CREB5: variants seen among roughly 807,000 people sequenced by gnomAD.
CREB5 encodes cAMP responsive element binding protein 5.
A neutral mutation model predicts 57.1 loss-of-function variants in CREB5; 19 were observed. That is an observed-to-expected ratio of 0.33 (90% CI 0.23 to 0.49). The LOEUF (loss-of-function observed/expected upper bound fraction) is 0.49, where lower values mean the gene tolerates loss of function less well. Among genes scored for constraint, CREB5 ranks in the 20% least tolerant of loss-of-function variants. The pLI is 0.99. For synonymous variants in CREB5, 238 were observed against 238.3 expected (o/e 1.00, Z 0.01); for missense variants, 579 against 671.6 (o/e 0.86, Z 1.52).
chr7:28,405,855 T>TGTG (rs1284933239), intron 1 of CREB5, among the ~76,000 whole-genome samples: 1 of 152,082 alleles, frequency 6.6e-6, no homozygotes, highest in Non-Finnish European at 1.5e-5. Context: ...AGGATGTGTG[T>TGTG]GTGGTGGTGG....
At chr7:28,414,133 T>A (rs1308905041) in intron 1 of CREB5, among the ~76,000 whole-genome samples, 2 of 152,144 alleles carry the variant, frequency 1.3e-5, no homozygotes, top group Non-Finnish European at 2.9e-5. Context: ...GACTTATTAT[T>A]TTTGTCATCT....
intron 1 of CREB5, among the ~76,000 whole-genome samples, chr7:28,392,925 C>CA (rs1345165975): frequency 1.4e-5 from 2 of 143,958 alleles, no homozygotes; most frequent in African/African-American, 2.8e-5. Flanking sequence ...CACAAAGCAG[C>CA]AATTTTTTTT....
intron 2 of CREB5, among the ~76,000 whole-genome samples, chr7:28,492,702 A>ATTT (rs1791856852): frequency 6.7e-6 from 1 of 149,584 alleles, no homozygotes; most frequent in Admixed American, 6.7e-5. Flanking sequence ...CATGTTGTGT[A>ATTT]TTTTTGTATA....
At chr7:28,430,457 T>C (rs1788669475) in intron 1 of CREB5, among the ~76,000 whole-genome samples, 1 of 152,196 alleles carries the variant, frequency 6.6e-6, no homozygotes, top group Non-Finnish European at 1.5e-5. Context: ...CACAGCCTCT[T>C]CAAGAGGAGT....
chr7:28,813,758 C>A (rs1421522477), intron 9 of CREB5, among the ~76,000 whole-genome samples: 2 of 152,116 alleles, frequency 1.3e-5, no homozygotes, highest in Non-Finnish European at 2.9e-5. Context: ...TATTGAATAT[C>A]TCTGTGGCGT....
intron 5 of CREB5, among the ~76,000 whole-genome samples, chr7:28,635,520 C>T (rs1410390367): frequency 1.3e-5 from 2 of 152,186 alleles, no homozygotes; most frequent in Non-Finnish European, 2.9e-5. Context: ...TCTTTTCGAT[C>T]ATCATGAGAA....
chr7:28,328,992 A>T (rs1785663906), intron 1 of CREB5, among the ~76,000 whole-genome samples: 2 of 152,164 alleles, frequency 1.3e-5, no homozygotes, highest in Admixed American at 6.5e-5. Context: ...CCTTTCTGAG[A>T]GGTATGTGTC....
intron 1 of CREB5, among the ~76,000 whole-genome samples, chr7:28,346,347 C>T (rs1239329249): frequency 6.6e-6 from 1 of 152,206 alleles, no homozygotes; most frequent in Non-Finnish European, 1.5e-5. Flanking sequence ...CTGGTGCCTT[C>T]TTACTGTATC....
chr7:28,643,000 A>G (rs1562544837), intron 5 of CREB5, among the ~76,000 whole-genome samples: 1 of 145,432 alleles, frequency 6.9e-6, no homozygotes, highest in Non-Finnish European at 1.5e-5. Flanking sequence ...ACACACACAC[A>G]CACACACACA....
At chr7:28,401,981 C>A (rs1468709930) in intron 1 of CREB5, among the ~76,000 whole-genome samples, 5 of 152,182 alleles carry the variant, frequency 3.3e-5, no homozygotes, top group African/African-American at 9.6e-5. Flanking sequence ...CCTGAGGAAT[C>A]ACCACACTGT....
At chr7:28,546,305 G>C (rs1376367400) in intron 4 of CREB5, among the ~76,000 whole-genome samples, 2 of 152,108 alleles carry the variant, frequency 1.3e-5, no homozygotes, top group Non-Finnish European at 2.9e-5. Context: ...ATGGACATTT[G>C]GGTTGTTTCC....
intron 1 of CREB5, among the ~76,000 whole-genome samples, chr7:28,453,365 G>A (rs1789924283): frequency 6.6e-6 from 1 of 152,166 alleles, no homozygotes; most frequent in African/African-American, 2.4e-5. Context: ...CTTGGGCCTG[G>A]GAAGTAGAGG....
intron 1 of CREB5, 53 bp downstream of exon 1, chr7:28,412,970 G>C (rs990915937): frequency 7.3e-7 from 1 of 1,371,286 alleles, no homozygotes; most frequent in African/African-American, 1.5e-5. Flanking sequence ...TTTGCACTTA[G>C]TTAAATAGAA....
chr7:28,521,187 T>C (rs1362558627), intron 4 of CREB5, among the ~76,000 whole-genome samples: 1 of 152,170 alleles, frequency 6.6e-6, no homozygotes, highest in African/African-American at 2.4e-5. Flanking sequence ...AGTGTGTGTG[T>C]GTGTTTATGG....
At chr7:28,449,803 G>T (rs1789701346) in intron 1 of CREB5, among the ~76,000 whole-genome samples, 1 of 152,120 alleles carries the variant, frequency 6.6e-6, no homozygotes, top group Admixed American at 6.5e-5. Flanking sequence ...AAACTTCATT[G>T]GTTGCTTAAA....
chr7:28,736,828 T>C (rs1166070443), intron 7 of CREB5, among the ~76,000 whole-genome samples: 2 of 149,698 alleles, frequency 1.3e-5, no homozygotes, highest in African/African-American at 5.0e-5. Context: ...CTCTCTCTTT[T>C]TTTTTTTTTT....
intron 4 of CREB5, among the ~76,000 whole-genome samples, chr7:28,549,108 G>A (rs575711952): frequency 6.6e-6 from 1 of 152,174 alleles, no homozygotes; most frequent in African/African-American, 2.4e-5. Flanking sequence ...TCTTAGAATC[G>A]AATTGGACAC....
chr7:28,357,402 T>A lies in CREB5; in HGVS notation c.-25+57961T>A, dbSNP rs144072716. 2.1e-3 allele frequency among the ~76,000 whole-genome samples: 327 copies of A among 152,350 alleles called. 1 individual carries two copies. The highest frequency in any genetic ancestry group is 7.6e-3 in the African/African-American group (318 of 41,580). On this transcript the variant is annotated intron_variant, in intron 1 of 9. Transcript: ENST00000396299. ...GAAAATCAGGTTGGACCTGCCCATATAACTTGTTGAAGATGAAGGGAGGTA... is the reference window on the plus strand; with the variant it reads ...GAAAATCAGGTTGGACCTGCCCATAAAACTTGTTGAAGATGAAGGGAGGTA...
intron 1 of CREB5, among the ~76,000 whole-genome samples, chr7:28,304,796 T>C (rs1399458611): frequency 6.6e-6 from 1 of 152,164 alleles, no homozygotes; most frequent in Non-Finnish European, 1.5e-5. Context: ...TGATAGACTA[T>C]TAAGTGGGAA....
Sources: allele counts gnomAD v4.1 joint callset (sites outside exome capture counted in the v4.1 genomes callset), GRCh38; gene constraint gnomAD v4.1.1; transcripts MANE v1.5; gene names NCBI Gene and HGNC (gene_info 2026-07-23, HGNC 2026-07-21).